The following APOB variants were observed in gnomAD, a reference collection of about 807,000 sequenced individuals.
The protein encoded by APOB is apolipoprotein B, also known as apolipoprotein B-100.
Under a neutral mutation model 314.1 loss-of-function variants are expected in APOB, and 153 were observed. That is an observed-to-expected ratio of 0.49 (90% CI 0.43 to 0.56). The LOEUF is 0.56. Among genes scored for constraint, APOB ranks in the 20% least tolerant of loss-of-function variants. The pLI is 0.00. For missense variants in APOB, 5,430 were observed against 5,350.7 expected (o/e 1.01, Z -0.46); for synonymous variants, 2,087 against 2,036.4 (o/e 1.02, Z -0.67).
intron 22 of APOB, 43 bp from the exon 23 acceptor site, chr2:21,015,303 C>A (rs1158474594): frequency 1.2e-6 from 2 of 1,612,994 alleles, no homozygotes; most frequent in African/African-American, 1.3e-5. Context: ...ACTAGTTCAG[C>A]CTGTAACCAC....
At chr2:21,027,612 C>G (rs1166681697) in intron 14 of APOB, among the ~76,000 whole-genome samples, 6 of 152,164 alleles carry the variant, frequency 3.9e-5, no homozygotes, top group Non-Finnish European at 1.5e-5. Context: ...CTCGCCAGGC[C>G]TGCATTTCTA....
chr2:21,006,994 C>A lies in APOB; in HGVS notation c.9874G>T (p.Val3292Leu). The change falls in exon 26 of 29, where the codon GTG becomes TTG. Residue 3292 changes from valine (V) to leucine (L), a missense_variant. Physicochemically the swap from Val to Leu is conservative, Grantham distance 32 (BLOSUM62 1). This residue lies in a region of APOB where 3,281 missense variants were observed against 3,171.0 expected (regional missense o/e 1.03). Coordinates refer to ENST00000233242, the MANE Select transcript of APOB (RefSeq NM_000384.3). ...GGCAGGATTAATGTGTATGAAGGCA[C>A]ACGGACGTCAGAACCTAGGATGGAG... is the stretch of plus-strand genomic sequence containing the variant. ...SFSILGSDVR[V>L]PSYTLILPSL... 6.2e-7 allele frequency: 1 copy of A among 1,613,998 alleles called. No individual in the cohort carries two copies. The highest frequency in any genetic ancestry group is 8.5e-7 in the Non-Finnish European group (1 of 1,179,938).
At chr2:21,022,076 C>T (rs1663621893) in intron 18 of APOB, among the ~76,000 whole-genome samples, 2 of 152,328 alleles carry the variant, frequency 1.3e-5, no homozygotes, top group African/African-American at 4.8e-5. Flanking sequence ...CCATCTCAGC[C>T]TTCTGAGTAG....
chr2:21,030,140 C>G (rs1663838697), intron 10 of APOB, 125 bp from the exon 11 acceptor site: 1 of 692,280 alleles, frequency 1.4e-6, no homozygotes. Flanking sequence ...GCCTGAATAG[C>G]TGAAGCAATT....
intron 10 of APOB, among the ~76,000 whole-genome samples, chr2:21,030,461 TC>T (rs1252198137): frequency 1.3e-5 from 2 of 152,016 alleles, no homozygotes; most frequent in African/African-American, 4.8e-5. Context: ...TCAAGATGGA[TC>T]AAAGACTTAA....
At position 21,022,206 on chromosome 2, in the gene APOB, G is replaced by A. The variant is rs186657194; in HGVS notation, c.2816+625C>T. Among the ~76,000 whole-genome samples, 17 of 152,226 alleles carry A rather than the reference G, an allele frequency of 1.1e-4. No homozygotes were observed. The East Asian group carries it at 1.4e-3, about 12-fold the overall frequency. ...GGTATCCAAACACCAGGGCTCAAGC[G>A]ATCCATCCACCTGGGGCTCCCAAAG... On this transcript the variant is annotated intron_variant, in intron 18 of 28. Coordinates refer to ENST00000233242, the MANE Select transcript of APOB (RefSeq NM_000384.3).
At chr2:21,037,335 C>A in intron 5 of APOB, 80 bp from the exon 6 acceptor site, 1 of 1,420,514 alleles carries the variant, frequency 7.0e-7, no homozygotes, top group Non-Finnish European at 9.8e-7. Context: ...GGGTGGGGAT[C>A]GTGAAAGAAA....
intron 14 of APOB, 69 bp from the exon 15 acceptor site, chr2:21,027,033 A>T: frequency 7.2e-7 from 1 of 1,389,848 alleles, no homozygotes; most frequent in African/African-American, 1.4e-5. Context: ...AGTAGTCCCC[A>T]CTCTTGATGT....
intron 6 of APOB, 66 bp downstream of exon 6, chr2:21,037,034 G>T: frequency 1.2e-6 from 2 of 1,604,596 alleles, no homozygotes; most frequent in South Asian, 1.1e-5. Flanking sequence ...TAGCTCAAAA[G>T]TTCTGGAATT....
chr2:21,042,300 C>T, intron 3 of APOB, 61 bp downstream of exon 3: 1 of 1,378,358 alleles, frequency 7.3e-7, no homozygotes, highest in South Asian at 1.2e-5. Flanking sequence ...TGGGCGCCCG[C>T]TGGAACAGGG....
chr2:21,015,463 C>A lies in APOB; in HGVS notation c.3415G>T (p.Ala1139Ser), dbSNP rs778822926. 6.2e-7 allele frequency: 1 copy of A among 1,614,008 alleles called. No homozygotes were observed. Among genetic ancestry groups the A allele is most frequent in the Non-Finnish European group, 8.5e-7 (1 of 1,180,012 alleles). Residue 1139 changes from alanine to serine, a missense_variant, in exon 22 of 29, where the codon GCC becomes TCC. This residue lies in a region of APOB where 2,085 missense variants were observed against 2,079.7 expected (regional missense o/e 1.00). Transcript: ENST00000233242. ...LQAEARSEILAHWSPAKLLLQ... is the reference protein window; with the variant it reads ...LQAEARSEILSHWSPAKLLLQ... ...AGCAGTTTGGCAGGCGACCAGTGGG[C>A]GAGGATCTCACTTCTGGCTTCTGCT...
At position 21,002,189 on chromosome 2, in the gene APOB, G is replaced by C; in HGVS notation, c.13233C>G (p.Ile4411Met). 6.2e-7 allele frequency: 1 copy of C among 1,613,918 alleles called. No homozygotes were observed. The highest frequency in any genetic ancestry group is 2.2e-5 in the East Asian group (1 of 44,866). ...CCTTAAGAGCAACTAACAGGTTCTT[G>C]ATCAGACTGACTATCTTTTCTTCAA... Reference protein sequence around the residue: ...YELEEKIVSLIKNLLVALKDF... With the variant: ...YELEEKIVSLMKNLLVALKDF... The change falls in exon 29 of 29, where the codon ATC (isoleucine) becomes ATG (methionine). Residue 4411 changes from isoleucine to methionine, a missense_variant. By Grantham distance (10) the Ile-to-Met change is conservative. Coordinates refer to ENST00000233242, the MANE Select transcript of APOB (RefSeq NM_000384.3).
In APOB at chr2:21,003,192, G is replaced by A. The variant is rs758921822; in HGVS notation, c.12230C>T (p.Ala4077Val). The change falls in exon 29 of 29, where the codon GCC becomes GTC. Residue 4077 changes from alanine (A) to valine (V), a missense_variant. Ala to Val is a moderately conservative substitution (Grantham distance 64). This residue lies in a region of APOB where 3,281 missense variants were observed against 3,171.0 expected (regional missense o/e 1.03). Coordinates refer to ENST00000233242, the MANE Select transcript of APOB (RefSeq NM_000384.3). The part of the protein sequence containing the change: ...LTSLKDNVPK[A>V]TGVLYDYVNK... ...GACATAATCATAAAGGACCCCTGTGGCCTTGGGCACGTTGTCTTTCAGAGA... is the reference window on the plus strand; with the variant it reads ...GACATAATCATAAAGGACCCCTGTGACCTTGGGCACGTTGTCTTTCAGAGA... The A allele has an allele frequency of 6.2e-7, 1 of 1,613,958 alleles. No individual in the cohort carries two copies. The highest frequency in any genetic ancestry group is 8.5e-7 in the Non-Finnish European group (1 of 1,179,954).
chr2:21,018,572 C>G (rs1297389274), intron 20 of APOB, among the ~76,000 whole-genome samples: 2 of 152,160 alleles, frequency 1.3e-5, no homozygotes, highest in Non-Finnish European at 2.9e-5. Context: ...GGCTTCTCCT[C>G]TTATTTCTGA....
chr2:21,028,197 T>G, intron 13 of APOB, 130 bp downstream of exon 13: 1 of 1,121,350 alleles, frequency 8.9e-7, no homozygotes, highest in Non-Finnish European at 1.4e-6. Context: ...TCTTTGGGTC[T>G]AGATCTGCTA....
At chr2:21,033,275 A>T in intron 9 of APOB, 24 bp downstream of exon 9, 1 of 1,590,180 alleles carries the variant, frequency 6.3e-7, no homozygotes, top group South Asian at 1.1e-5. Context: ...TTTTATAAAA[A>T]GTTGAGCTGT....
At position 21,001,454 on chromosome 2, in the gene APOB, T is replaced by A. The variant is rs1572773856; in HGVS notation, c.*276A>T. On this transcript the variant is annotated 3_prime_UTR_variant, in exon 29 of 29. Transcript: ENST00000233242. ...TATGATACACAATAAAGACTCCATT[T>A]ATTTGTTCCTCCTCCCCCAAGTTTA... 2.4e-6 allele frequency: 1 copy of A among 418,080 alleles called. No homozygotes were observed. The highest frequency in any genetic ancestry group is 4.8e-5 in the East Asian group (1 of 20,932). The allele number at this position is 418,080 out of a possible 1,614,324, so 25.9% of individuals were successfully genotyped here.
chr2:21,026,777 C>G lies in APOB; in HGVS notation c.2244+11G>C. On this transcript the variant is annotated intron_variant, in intron 15 of 28. Transcript: ENST00000233242. ...AAGCTTTCCTTAAGAAGATACTTCA[C>G]AAATACACACCTGCTCATGTTTATC... 1 of 1,610,504 alleles carries G rather than the reference C, an allele frequency of 6.2e-7. No homozygotes were observed. The highest frequency in any genetic ancestry group is 1.1e-5 in the South Asian group (1 of 91,012).
rs750862654 is a variant in APOB at position 21,009,520 on chromosome 2, G to A, written c.7348C>T (p.Leu2450Phe). The change falls in exon 26 of 29, where the codon CTC becomes TTC. Residue 2450 changes from leucine (L) to phenylalanine (F), a missense_variant. Leu to Phe is a conservative substitution (Grantham distance 22). Coordinates refer to ENST00000233242, the MANE Select transcript of APOB (RefSeq NM_000384.3). Reference sequence around the variant, plus strand: ...TCCAGAGCCTGAATTTCACCATTGAGTCTCTGAGTCACCTCACGGATTTTG... The same window carrying A: ...TCCAGAGCCTGAATTTCACCATTGAATCTCTGAGTCACCTCACGGATTTTG... ...NDKIREVTQR[L>F]NGEIQALELP... is the part of the protein sequence containing the mutation. 1.2e-6 allele frequency: 2 copies of A among 1,614,044 alleles called. No individual in the cohort carries two copies. The highest frequency in any genetic ancestry group is 3.3e-5 in the Admixed American group (2 of 60,018).
Sources: gnomAD v4.1 joint callset for allele counts (sites outside exome capture counted in the v4.1 genomes callset) on GRCh38, gnomAD v4.1.1 for gene constraint, gnomAD v4.1.1 regional missense constraint, MANE v1.5 for transcripts, NCBI Gene and HGNC (gene_info 2026-07-23, HGNC 2026-07-21) for gene names.